RBFOX1: variants seen among roughly 807,000 people sequenced by gnomAD.
RBFOX1 encodes the protein RNA binding fox-1 homolog 1, also known as RNA binding protein fox-1 homolog 1.
Under a neutral mutation model 57.7 loss-of-function variants are expected in RBFOX1, and 8 were observed. That is an observed-to-expected ratio of 0.14 (90% CI 0.08 to 0.25). RBFOX1 has a LOEUF of 0.25. Among genes scored for constraint, RBFOX1 ranks in the 10% least tolerant of loss-of-function variants. The pLI, the probability that RBFOX1 is intolerant of heterozygous loss-of-function variation, is 1.00. For missense variants in RBFOX1, 611 were observed against 548.5 expected (o/e 1.11, Z -1.14); for synonymous variants, 326 against 222.4 (o/e 1.47, Z -4.15).
chr16:7,028,886 G>C (rs1303665211), intron 3 of RBFOX1, among the ~76,000 whole-genome samples: 4 of 150,962 alleles, frequency 2.6e-5, no homozygotes, highest in Admixed American at 2.6e-4. Context: ...TCCAAGCTCT[G>C]CCACTCAGCT....
At chr16:5,529,786 T>A (rs551445737) in intron 2 of RBFOX1, among the ~76,000 whole-genome samples, 153 of 152,228 alleles carry the variant, frequency 1.0e-3, no homozygotes, top group African/African-American at 3.5e-3. Flanking sequence ...CAGGGTGTTC[T>A]CGAACTCCTG....
intron 3 of RBFOX1, among the ~76,000 whole-genome samples, chr16:7,020,895 G>A (rs915232548): frequency 2.6e-5 from 4 of 152,186 alleles, no homozygotes. Flanking sequence ...GCGATGCTAA[G>A]ACAGGCAAAT....
At chr16:5,374,065 C>G (rs971566811) in intron 1 of RBFOX1, among the ~76,000 whole-genome samples, 3 of 151,846 alleles carry the variant, frequency 2.0e-5, no homozygotes. Flanking sequence ...TTACAGGCAC[C>G]TGCCATCATG....
chr16:5,369,061 G>T (rs1475691330), intron 1 of RBFOX1, among the ~76,000 whole-genome samples: 1 of 152,188 alleles, frequency 6.6e-6, no homozygotes, highest in Non-Finnish European at 1.5e-5. Flanking sequence ...GAGTGCAGTG[G>T]CGCCATCTTG....
At chr16:7,620,931 C>T (rs941393044) in intron 10 of RBFOX1, among the ~76,000 whole-genome samples, 2 of 152,088 alleles carry the variant, frequency 1.3e-5, no homozygotes, top group African/African-American at 2.4e-5. Context: ...CCTTAATGGG[C>T]ACTGTCAATA....
chr16:7,343,554 C>A (rs927258637), intron 4 of RBFOX1, among the ~76,000 whole-genome samples: 56 of 152,170 alleles, frequency 3.7e-4, no homozygotes, highest in African/African-American at 1.3e-3. Flanking sequence ...AAGCAAATGC[C>A]AACTGGGACT....
intron 10 of RBFOX1, among the ~76,000 whole-genome samples, chr16:7,629,531 C>A (rs1596851065): frequency 6.6e-6 from 1 of 152,266 alleles, no homozygotes; most frequent in Non-Finnish European, 1.5e-5. Flanking sequence ...TGACCAGAAA[C>A]CACAGGGAGG....
chr16:6,060,090 T>G (rs568057979), intron 1 of RBFOX1, among the ~76,000 whole-genome samples: 2 of 147,082 alleles, frequency 1.4e-5, no homozygotes, highest in South Asian at 4.4e-4. Context: ...AATAGGTAAC[T>G]GGCATCATTT....
At chr16:6,372,238 A>T (rs2090536468) in intron 2 of RBFOX1, among the ~76,000 whole-genome samples, 1 of 151,480 alleles carries the variant, frequency 6.6e-6, no homozygotes. Flanking sequence ...GGGTAGGAGT[A>T]TTGTTGGGTG....
chr16:7,487,211 A>G (rs1240383397), intron 4 of RBFOX1, among the ~76,000 whole-genome samples: 1 of 152,168 alleles, frequency 6.6e-6, no homozygotes, highest in Non-Finnish European at 1.5e-5. Flanking sequence ...ACTTTCAGGC[A>G]TTTGAACTTG....
intron 4 of RBFOX1, among the ~76,000 whole-genome samples, chr16:5,964,567 A>G (rs2059808177): frequency 1.3e-5 from 2 of 152,172 alleles, no homozygotes; most frequent in Admixed American, 6.5e-5. Context: ...ATGTGTATAT[A>G]TGTATCTATG....
chr16:5,729,367 G>C (rs947555766), intron 3 of RBFOX1, among the ~76,000 whole-genome samples: 2 of 149,394 alleles, frequency 1.3e-5, no homozygotes, highest in Non-Finnish European at 3.0e-5. Flanking sequence ...AATAAGCTCA[G>C]CACACAGCTA....
intron 3 of RBFOX1, among the ~76,000 whole-genome samples, chr16:6,995,289 CTT>C (rs1491231671): frequency 1.6e-5 from 1 of 62,114 alleles, no homozygotes; most frequent in African/African-American, 6.2e-5. Context: ...TGAAAGTAGC[CTT>C]GTGTGTGTGT....
At chr16:6,475,935 C>T (rs183664073) in intron 2 of RBFOX1, among the ~76,000 whole-genome samples, 33 of 152,228 alleles carry the variant, frequency 2.2e-4, no homozygotes, top group Middle Eastern at 3.4e-3. Context: ...TGAGGCTTAA[C>T]GTCTTTTTTT....
intron 2 of RBFOX1, among the ~76,000 whole-genome samples, chr16:6,499,388 G>A (rs1335657812): frequency 6.6e-6 from 1 of 151,954 alleles, no homozygotes; most frequent in Admixed American, 6.6e-5. Context: ...AAAAAAAAAG[G>A]TATGAAAAAT....
intron 3 of RBFOX1, among the ~76,000 whole-genome samples, chr16:6,879,943 C>A (rs992182184): frequency 1.3e-5 from 2 of 152,106 alleles, no homozygotes; most frequent in Non-Finnish European, 2.9e-5. Flanking sequence ...TGCATCATTT[C>A]TTCTATCTGT....
chr16:6,032,249 G>A (rs1411503359), intron 1 of RBFOX1, among the ~76,000 whole-genome samples: 2 of 152,132 alleles, frequency 1.3e-5, no homozygotes, highest in African/African-American at 4.8e-5. Flanking sequence ...TAGGTAGGGT[G>A]TGGTCCCCCT....
chr16:5,440,276 C>T (rs368645749), intron 1 of RBFOX1, among the ~76,000 whole-genome samples: 6 of 152,188 alleles, frequency 3.9e-5, no homozygotes, highest in Non-Finnish European at 8.8e-5. Context: ...ACAAAATCTC[C>T]TTCCAATTAT....
chr16:6,927,286 A>G (rs1473718958), intron 3 of RBFOX1, among the ~76,000 whole-genome samples: 4 of 151,396 alleles, frequency 2.6e-5, no homozygotes, highest in Non-Finnish European at 5.9e-5. Flanking sequence ...GGTGACACAC[A>G]CCTGTAGTAT....
Sources: allele counts gnomAD v4.1 joint callset (sites outside exome capture counted in the v4.1 genomes callset), GRCh38; gene constraint gnomAD v4.1.1; transcripts MANE v1.5; gene names NCBI Gene and HGNC (gene_info 2026-07-23, HGNC 2026-07-21).